KIF20B: variants seen among roughly 807,000 people sequenced by gnomAD.
KIF20B encodes the protein kinesin family member 20B, also known as kinesin-like protein KIF20B.
A neutral mutation model predicts 232.5 loss-of-function variants in KIF20B; 188 were observed. The observed-to-expected ratio is 0.81, with a 90% CI of 0.72 to 0.91. KIF20B has a LOEUF of 0.91. Ranked by LOEUF, KIF20B falls within the 40% of genes least tolerant of loss-of-function variation. The pLI is 0.00. For synonymous variants in KIF20B, 712 were observed against 683.0 expected, an observed-to-expected ratio of 1.04 and a Z score of -0.66; for missense variants, 2,154 against 2,055.9, an observed-to-expected ratio of 1.05 and a Z score of -0.92.
chr10:89,757,057 T>C (rs1253769129), intron 26 of KIF20B, among the ~76,000 whole-genome samples: 1 of 136,820 alleles, frequency 7.3e-6, no homozygotes, highest in African/African-American at 2.6e-5. Context: ...TATATATATA[T>C]ATATATATAT....
At position 89,709,956 on chromosome 10, in the gene KIF20B, A is replaced by G. The variant is rs775465092; in HGVS notation, c.381A>G (p.Glu127=). The change falls in exon 5 of 33, where the codon GAA becomes GAG. Residue 127 remains glutamate, a synonymous_variant. Coordinates refer to ENST00000371728, the MANE Select transcript of KIF20B (RefSeq NM_001284259.2). The part of the protein sequence containing the change: ...KVFGPATTQK[E]FFQGCIMQPV... ...TTGGCCCAGCAACTACACAGAAGGAATTCTTTCAGGGTTGCATTATGCAAC... is the reference window on the plus strand; with the variant it reads ...TTGGCCCAGCAACTACACAGAAGGAGTTCTTTCAGGGTTGCATTATGCAAC... The G allele has an allele frequency of 3.8e-6, 6 of 1,593,490 alleles. No homozygotes were observed. In the East Asian group the frequency reaches 1.1e-4, roughly 30 times the overall value.
chr10:89,735,572 T>C (rs1841633123), intron 19 of KIF20B, among the ~76,000 whole-genome samples: 1 of 139,612 alleles, frequency 7.2e-6, no homozygotes, highest in African/African-American at 2.8e-5. Flanking sequence ...AGAGTCTTCC[T>C]CTGTCACCAG....
chr10:89,726,561 C>T (rs1489087336), intron 16 of KIF20B, 40 bp downstream of exon 16: 1 of 1,451,724 alleles, frequency 6.9e-7, no homozygotes, highest in Admixed American at 2.3e-5. Flanking sequence ...ATATTGTAAA[C>T]ACATAAAAAG....
At chr10:89,706,269 T>C (rs918152733) in intron 2 of KIF20B, among the ~76,000 whole-genome samples, 1 of 152,188 alleles carries the variant, frequency 6.6e-6, no homozygotes, top group African/African-American at 2.4e-5. Flanking sequence ...ATTTTTCTAC[T>C]TTCTTTGTAA....
rs745557342 is a variant in KIF20B, at chr10:89,718,732, C to T, written c.1294C>T (p.Arg432Trp). Residue 432 changes from arginine (R) to tryptophan (W), a missense_variant, in exon 12 of 33, where the codon CGG becomes TGG. Arg to Trp is a moderately radical substitution (Grantham distance 101). Transcript: ENST00000371728. Reference sequence around the variant, plus strand: ...TAGGTTTCAACAGCATGTGCCTTTCCGGGAAAGTAAACTGACTCACTATTT... The same window carrying T: ...TAGGTTTCAACAGCATGTGCCTTTCTGGGAAAGTAAACTGACTCACTATTT... Reference protein sequence around the residue: ...KSKFQQHVPFRESKLTHYFQS... With the variant: ...KSKFQQHVPFWESKLTHYFQS... The T allele has an allele frequency of 2.9e-5, 47 of 1,606,912 alleles. No individual in the cohort carries two copies. The highest frequency in any genetic ancestry group is 4.5e-5 in the East Asian group (2 of 44,674).
chr10:89,753,602 TAATA>T (rs1842063582), intron 25 of KIF20B, among the ~76,000 whole-genome samples: 1 of 152,170 alleles, frequency 6.6e-6, no homozygotes, highest in South Asian at 2.1e-4. Flanking sequence ...CCATACTTTG[TAATA>T]TAGTGATTTT....
Position 89,724,111 on chromosome 10 carries a change from AT to A in KIF20B, c.1862+11del. The A allele has an allele frequency of 6.8e-7, 1 of 1,466,810 alleles. No homozygotes were observed. The highest frequency in any genetic ancestry group is 1.5e-5 in the South Asian group (1 of 64,650). The allele number at this position is 1,466,810 out of a possible 1,614,324, so 90.9% of individuals were successfully genotyped here. ...ACGGGAAGCTGACTTTAAGTAAGTT[AT>A]TTATTTCATGTCCAGGTAAAAATTG... On this transcript the variant is annotated intron_variant, in intron 14 of 32. Transcript: ENST00000371728.
At chr10:89,747,961 T>C (rs933966499) in intron 23 of KIF20B, among the ~76,000 whole-genome samples, 9 of 152,378 alleles carry the variant, frequency 5.9e-5, no homozygotes, top group Non-Finnish European at 1.0e-4. Flanking sequence ...TTATGAATTA[T>C]GCTTTTCTTA....
Position 89,760,551 on chromosome 10 carries a change from C to G in KIF20B, c.4706C>G (p.Pro1569Arg). The part of the protein sequence containing the change: ...KIETQIMDIK[P>R]KRISSADPDK... ...GAAACACAAATCATGGATATCAAGC[C>G]CAAACGTATTAGTTCAGCAGATCCT... The change falls in exon 28 of 33, where the codon CCC becomes CGC. Residue 1569 changes from proline to arginine, a missense_variant. Transcript: ENST00000371728. 1 of 1,612,424 alleles carries G rather than the reference C, an allele frequency of 6.2e-7. No homozygotes were observed. The highest frequency in any genetic ancestry group is 1.1e-5 in the South Asian group (1 of 91,000).
intron 1 of KIF20B, among the ~76,000 whole-genome samples, chr10:89,702,850 T>C (rs906114527): frequency 2.6e-5 from 4 of 152,016 alleles, no homozygotes; most frequent in Admixed American, 1.3e-4. Context: ...GAATTTGTTA[T>C]AGGGGATACA....
intron 31 of KIF20B, among the ~76,000 whole-genome samples, chr10:89,770,178 T>C (rs544438950): frequency 6.6e-6 from 1 of 152,138 alleles, no homozygotes; most frequent in South Asian, 2.1e-4. Flanking sequence ...CAGTATCGTT[T>C]TGAAATTGAA....
intron 29 of KIF20B, 77 bp from the exon 30 acceptor site, chr10:89,768,188 GTTTTAAGTGATAATGTAGCTTTTTA>G: frequency 1.4e-6 from 1 of 740,088 alleles, no homozygotes. Flanking sequence ...AAGAGTCACT[GTTTTAAGTGATAATGTAGCTTTTTA>G]CAAATTTTCT....
intron 12 of KIF20B, 46 bp downstream of exon 12, chr10:89,718,918 G>T: frequency 8.4e-7 from 1 of 1,189,824 alleles, no homozygotes. Context: ...AATATTAACA[G>T]TTTTTCTTGA....
intron 20 of KIF20B, 69 bp downstream of exon 20, chr10:89,738,686 AAGTT>A: frequency 1.4e-6 from 2 of 1,463,794 alleles, no homozygotes; most frequent in East Asian, 2.4e-5. Context: ...AGCTTTAAAA[AAGTT>A]AGATAGTCAT....
intron 25 of KIF20B, among the ~76,000 whole-genome samples, chr10:89,754,274 G>A (rs1320844749): frequency 6.6e-6 from 1 of 151,806 alleles, no homozygotes; most frequent in Non-Finnish European, 1.5e-5. Flanking sequence ...TAAGGTCACT[G>A]ATAAAAGTAT....
intron 13 of KIF20B, among the ~76,000 whole-genome samples, chr10:89,722,420 A>G (rs1411332300): frequency 6.6e-6 from 1 of 152,222 alleles, no homozygotes; most frequent in African/African-American, 2.4e-5. Flanking sequence ...CTGTAATCCC[A>G]GCACTTTGGG....
intron 23 of KIF20B, among the ~76,000 whole-genome samples, chr10:89,749,426 G>C (rs1441298958): frequency 6.6e-6 from 1 of 152,034 alleles, no homozygotes; most frequent in East Asian, 1.9e-4. Flanking sequence ...CAGTTTAGTG[G>C]GCTTTAGTAC....
At chr10:89,728,882 A>G (rs1024509045) in intron 17 of KIF20B, among the ~76,000 whole-genome samples, 1 of 149,058 alleles carries the variant, frequency 6.7e-6, no homozygotes, top group Non-Finnish European at 1.5e-5. Flanking sequence ...TTCCTCTTAT[A>G]TGCTATATAG....
At chr10:89,741,396 C>T (rs976817998) in intron 21 of KIF20B, among the ~76,000 whole-genome samples, 1 of 152,200 alleles carries the variant, frequency 6.6e-6, no homozygotes, top group Non-Finnish European at 1.5e-5. Context: ...CAGTATTTGT[C>T]TGTGGCCAGG....
Sources: allele counts gnomAD v4.1 joint callset (sites outside exome capture counted in the v4.1 genomes callset), GRCh38; gene constraint gnomAD v4.1.1; transcripts MANE v1.5; gene names NCBI Gene and HGNC (gene_info 2026-07-23, HGNC 2026-07-21).